CDH4: variants seen among roughly 807,000 people sequenced by gnomAD.
CDH4 encodes the protein cadherin-4.
A neutral mutation model predicts 86.0 loss-of-function variants in CDH4; 33 were observed. The observed-to-expected ratio is 0.38, with a 90% CI of 0.29 to 0.51. CDH4 has a LOEUF of 0.51. Among genes scored for constraint, CDH4 ranks in the 20% least tolerant of loss-of-function variants. The probability of loss-of-function intolerance (pLI) is 0.86; values close to 1 mark genes in which losing one functional copy is unlikely to be tolerated. For missense variants in CDH4, 1,114 were observed against 1,307.4 expected (o/e 0.85, Z 2.28); for synonymous variants, 555 against 549.4 (o/e 1.01, Z -0.14).
rs543553905 is a variant in CDH4, at chr20:61,684,589, T to C, written c.170-58974T>C. ...GAATCCTGGGCTCCGTCCTGGGGGC[T>C]GAAAGGCTCCTGGGGGTTCAGTCTC... On this transcript the variant is annotated intron_variant, in intron 2 of 15. Coordinates refer to ENST00000614565, the MANE Select transcript of CDH4 (RefSeq NM_001794.5). This position sits in a 1 kb window ranked among gnomAD's most constrained non-coding sequence, Gnocchi z 4.5. Among the ~76,000 whole-genome samples, 4 of 152,346 alleles carry C rather than the reference T, an allele frequency of 2.6e-5. No individual in the cohort carries two copies. Among genetic ancestry groups the C allele is most frequent in the Admixed American group, 6.5e-5 (1 of 15,308 alleles).
At chr20:61,400,174 G>A (rs955619463) in intron 2 of CDH4, among the ~76,000 whole-genome samples, 8 of 152,118 alleles carry the variant, frequency 5.3e-5, no homozygotes, top group Admixed American at 3.9e-4. Flanking sequence ...CCAGGTCTTC[G>A]GGGGGCTTCT....
Position 61,816,532 on chromosome 20 carries a change from C to T in CDH4, c.577-28136C>T, listed in dbSNP as rs531137707. On this transcript the variant is annotated intron_variant, in intron 4 of 15. Coordinates refer to ENST00000614565, the MANE Select transcript of CDH4 (RefSeq NM_001794.5). ...TACTATCACAGATAGAACCCATTCT[C>T]TCTGCTCCCTGAGACTTATTCAAAC... is the stretch of plus-strand genomic sequence containing the variant. Among the ~76,000 whole-genome samples the T allele has an allele frequency of 7.9e-4, 121 of 152,348 alleles. 1 individual carries two copies. The highest frequency in any genetic ancestry group is 1.2e-3 in the Non-Finnish European group (81 of 68,030).
At chr20:61,568,343 C>CT (rs916330888) in intron 2 of CDH4, among the ~76,000 whole-genome samples, 2 of 152,140 alleles carry the variant, frequency 1.3e-5, no homozygotes, top group Non-Finnish European at 2.9e-5. Flanking sequence ...TTATAAGGGG[C>CT]TTTTTCCCTT....
In CDH4 at chr20:61,829,221, C is replaced by T. The variant is rs57753359; in HGVS notation, c.577-15447C>T. The stretch of plus-strand genomic sequence containing the variant: ...CGTACTTCCTGTCTCTATGGATTTG[C>T]CTGTCCTGCATACTTTGTGTCAATG... On this transcript the variant is annotated intron_variant, in intron 4 of 15. Coordinates refer to ENST00000614565, the MANE Select transcript of CDH4 (RefSeq NM_001794.5). This position sits in a 1 kb window ranked among gnomAD's most constrained non-coding sequence, Gnocchi z 4.2. 5.3e-3 allele frequency among the ~76,000 whole-genome samples: 810 copies of T among 152,350 alleles called. 14 individuals carry two copies. Among genetic ancestry groups the T allele is most frequent in the African/African-American group, 0.019 (779 of 41,576 alleles).
chr20:61,850,627 G>A (rs924038614), intron 5 of CDH4, among the ~76,000 whole-genome samples: 2 of 152,234 alleles, frequency 1.3e-5, no homozygotes, highest in African/African-American at 4.8e-5. Flanking sequence ...CTCCCGGAAC[G>A]AGGATAGAAA....
rs968927838 is a variant in CDH4 at position 61,819,912 on chromosome 20, C to T, written c.577-24756C>T. Among the ~76,000 whole-genome samples the T allele has an allele frequency of 5.9e-5, 9 of 152,296 alleles. No homozygotes were observed. In the South Asian group the frequency reaches 1.9e-3, roughly 32 times the overall value. ...AGACCAGGCAAGGAGACACAGGGTG[C>T]GGGGCTGCTGATCTGATCCCGCGAC... On this transcript the variant is annotated intron_variant, in intron 4 of 15. Coordinates refer to ENST00000614565, the MANE Select transcript of CDH4 (RefSeq NM_001794.5).
At chr20:61,920,168 GTCA>G (rs1416178919) in intron 9 of CDH4, among the ~76,000 whole-genome samples, 1 of 122,010 alleles carries the variant, frequency 8.2e-6, no homozygotes, top group Non-Finnish European at 1.8e-5. Context: ...GAAGCATGGC[GTCA>G]CAGTGACTGC....
intron 2 of CDH4, among the ~76,000 whole-genome samples, chr20:61,560,528 G>A (rs920278083): frequency 4.6e-5 from 7 of 152,334 alleles, no homozygotes; most frequent in East Asian, 3.9e-4. Context: ...CAGCTCAGAC[G>A]GCCCTGGGCC....
rs1221242420 is a variant in CDH4, at chr20:61,940,325, G to A, written c.*3382G>A. On this transcript the variant is annotated 3_prime_UTR_variant, in exon 16 of 16. Coordinates refer to ENST00000614565, the MANE Select transcript of CDH4 (RefSeq NM_001794.5). ...CAGCCTGCATGAGCACAGTTGTTTT[G>A]GGGAAAGATACTGGAGTATGATGTA... 2.0e-5 allele frequency: 3 copies of A among 152,114 alleles called. No individual in the cohort carries two copies. The highest frequency in any genetic ancestry group is 4.4e-5 in the Non-Finnish European group (3 of 68,032). 9.4% of individuals were successfully genotyped at this position (152,114 alleles called of 1,614,324 possible). A position where few individuals can be genotyped will look rare whatever the true frequency, so the allele number is the denominator to read the frequency against.
chr20:61,783,790 C>T lies in CDH4; in HGVS notation c.576+10608C>T, dbSNP rs1441826443. On this transcript the variant is annotated intron_variant, in intron 4 of 15. Transcript: ENST00000614565. ...GTTCCTCGGGACAGTTCTCGAGGCC[C>T]TCAGGTGTCTTGTGCCCCCAAGAGA... is the stretch of plus-strand genomic sequence containing the variant. 2.7e-4 allele frequency among the ~76,000 whole-genome samples: 26 copies of T among 98,094 alleles called. 1 individual carries two copies. The highest frequency in any genetic ancestry group is 4.6e-4 in the African/African-American group (12 of 26,336). The allele number at this position is 98,094 out of a possible 152,430, so 64.4% of individuals were successfully genotyped here.
At chr20:61,873,022 TG>T (rs1235599931) in intron 6 of CDH4, among the ~76,000 whole-genome samples, 7 of 152,108 alleles carry the variant, frequency 4.6e-5, no homozygotes, top group Non-Finnish European at 8.8e-5. Flanking sequence ...TCTCAGAAAG[TG>T]GGGAATGTGC....
chr20:61,504,458 C>T (rs1016407413), intron 2 of CDH4, among the ~76,000 whole-genome samples: 1 of 152,110 alleles, frequency 6.6e-6, no homozygotes, highest in Non-Finnish European at 1.5e-5. Context: ...ACATCCTGGG[C>T]CTTCTCTTCC....
chr20:61,344,348 G>A lies in CDH4; in HGVS notation c.169+89411G>A, dbSNP rs191009997. 1.1e-3 allele frequency among the ~76,000 whole-genome samples: 160 copies of A among 152,302 alleles called. 1 individual carries two copies. The highest frequency in any genetic ancestry group is 9.1e-4 in the Non-Finnish European group (62 of 68,032). On this transcript the variant is annotated intron_variant, in intron 2 of 15. Coordinates refer to ENST00000614565, the MANE Select transcript of CDH4 (RefSeq NM_001794.5). ...TTTGCATGTTCATTTGGGAATTACTGCAGGACTGGAATGACTTGGCTGGTC... is the reference window on the plus strand; with the variant it reads ...TTTGCATGTTCATTTGGGAATTACTACAGGACTGGAATGACTTGGCTGGTC...
intron 8 of CDH4, among the ~76,000 whole-genome samples, chr20:61,895,866 C>G (rs976246751): frequency 3.9e-5 from 6 of 152,202 alleles, no homozygotes; most frequent in African/African-American, 1.4e-4. Flanking sequence ...ATTTTGGGCC[C>G]CGTGTGGCAG....
At chr20:61,818,963 G>A (rs543058141) in intron 4 of CDH4, among the ~76,000 whole-genome samples, 1 of 152,240 alleles carries the variant, frequency 6.6e-6, no homozygotes, top group Non-Finnish European at 1.5e-5. Context: ...GCCTGCAGGG[G>A]CTGCTTAGGG....
chr20:61,870,551 C>T (rs1300696976), intron 6 of CDH4, among the ~76,000 whole-genome samples: 4 of 152,178 alleles, frequency 2.6e-5, no homozygotes, highest in Admixed American at 2.0e-4. Context: ...ATCCTGCCAC[C>T]CCCACCATCA....
At chr20:61,689,787 T>G (rs1600877348) in intron 2 of CDH4, among the ~76,000 whole-genome samples, 1 of 139,972 alleles carries the variant, frequency 7.1e-6, no homozygotes, top group Non-Finnish European at 1.5e-5. Context: ...TTTGGTGAGG[T>G]GATGTGGAAT....
chr20:61,499,547 C>T (rs2085685890), intron 2 of CDH4: 4 of 1,279,730 alleles, frequency 3.1e-6, no homozygotes, highest in Non-Finnish European at 3.1e-6. Context: ...ACTTCTTTAT[C>T]TAACTGGGCC....
intron 2 of CDH4, among the ~76,000 whole-genome samples, chr20:61,443,660 A>G (rs2085325467): frequency 6.6e-6 from 1 of 152,182 alleles, no homozygotes. Flanking sequence ...TAATTTTGAG[A>G]GAAGACTGCT....
Sources: gnomAD v4.1 joint callset for allele counts (sites outside exome capture counted in the v4.1 genomes callset) on GRCh38, gnomAD v4.1.1 for gene constraint, Gnocchi (gnomAD v3.1) non-coding constraint, MANE v1.5 for transcripts, NCBI Gene and HGNC (gene_info 2026-07-23, HGNC 2026-07-21) for gene names.